Variants in ZMAT3 observed in about 807,000 individuals in gnomAD.
ZMAT3 encodes the protein zinc finger matrin-type protein 3.
A neutral mutation model predicts 32.3 loss-of-function variants in ZMAT3; 17 were observed. The observed-to-expected ratio is 0.53, with a 90% CI of 0.36 to 0.79. The LOEUF is 0.79. Ranked by LOEUF, ZMAT3 falls within the 30% of genes least tolerant of loss-of-function variation. The pLI is 0.00. For synonymous variants in ZMAT3, 120 were observed against 133.1 expected (o/e 0.90, Z 0.68); for missense variants, 329 against 359.7 (o/e 0.91, Z 0.69).
rs1718499047 is a variant in ZMAT3, at chr3:179,020,667, T to A, written c.*4350A>T. The A allele has an allele frequency of 6.6e-6, 1 of 152,192 alleles. No homozygotes were observed. Among genetic ancestry groups the A allele is most frequent in the South Asian group, 2.1e-4 (1 of 4,828 alleles). The allele number at this position is 152,192 out of a possible 1,614,324, so 9.4% of individuals were successfully genotyped here. A position where few individuals can be genotyped will look rare whatever the true frequency, so the allele number is the denominator to read the frequency against. ...GTTCTTTAAAGGGCATTTCCAACCT[T>A]AGTTCTGACAATGAAGACACAAAGT... is the stretch of plus-strand genomic sequence containing the variant. On this transcript the variant is annotated 3_prime_UTR_variant, in exon 6 of 6. Transcript: ENST00000311417.
chr3:179,033,313 T>TTG (rs1419756739), intron 2 of ZMAT3, among the ~76,000 whole-genome samples: 5 of 151,900 alleles, frequency 3.3e-5, no homozygotes, highest in Non-Finnish European at 7.4e-5. Context: ...TCATCACCAC[T>TTG]CCCTAATCTC....
intron 5 of ZMAT3, among the ~76,000 whole-genome samples, chr3:179,026,331 A>G (rs1718865696): frequency 1.3e-5 from 2 of 150,768 alleles, no homozygotes; most frequent in African/African-American, 2.4e-5. Context: ...TACATTTATT[A>G]CAATTATTAA....
intron 2 of ZMAT3, among the ~76,000 whole-genome samples, chr3:179,059,286 C>T (rs985170073): frequency 6.6e-6 from 1 of 152,198 alleles, no homozygotes. Flanking sequence ...GGGAACCTCA[C>T]AGGGACATCA....
At position 179,046,726 on chromosome 3, in the gene ZMAT3, A is replaced by T. The variant is rs1473150358; in HGVS notation, c.271-15727T>A. Among the ~76,000 whole-genome samples the T allele has an allele frequency of 6.6e-6, 1 of 152,150 alleles. No homozygotes were observed. Among genetic ancestry groups the T allele is most frequent in the Non-Finnish European group, 1.5e-5 (1 of 68,020 alleles). ...GCATGGGAGCTGGGTGAGGCCTGTA[A>T]CAGCCAGCTTTCCCCCAATTCCCTG... On this transcript the variant is annotated intron_variant, in intron 2 of 5. Coordinates refer to ENST00000311417, the MANE Select transcript of ZMAT3 (RefSeq NM_022470.4). This position sits in a 1 kb window ranked among gnomAD's most constrained non-coding sequence, Gnocchi z 4.3.
chr3:179,042,866 A>T (rs182632374), intron 2 of ZMAT3, among the ~76,000 whole-genome samples: 337 of 152,298 alleles, frequency 2.2e-3, no homozygotes, highest in African/African-American at 7.7e-3. Context: ...GATAAGCAAC[A>T]TCAGCAAAGT....
intron 2 of ZMAT3, among the ~76,000 whole-genome samples, chr3:179,045,771 CA>C (rs750600556): frequency 2.8e-4 from 43 of 152,230 alleles, no homozygotes; most frequent in Non-Finnish European, 2.6e-4. Context: ...ATGGCAAATA[CA>C]AATGTTTATT....
At chr3:179,025,262 T>C (rs1056290297) in intron 5 of ZMAT3, 34 bp from the exon 6 acceptor site, 2 of 1,517,058 alleles carry the variant, frequency 1.3e-6, no homozygotes, top group Admixed American at 1.9e-5. Context: ...ATATTCAAAA[T>C]ATTCATTAAG....
chr3:179,038,056 C>T (rs990226768), intron 2 of ZMAT3, among the ~76,000 whole-genome samples: 2 of 151,912 alleles, frequency 1.3e-5, no homozygotes, highest in African/African-American at 2.4e-5. Flanking sequence ...TGGGGTGGGC[C>T]GACAAGGCTT....
chr3:179,048,142 C>A (rs535548156), intron 2 of ZMAT3, among the ~76,000 whole-genome samples: 3 of 152,242 alleles, frequency 2.0e-5, no homozygotes, highest in East Asian at 3.9e-4. Context: ...ATGAACAAAG[C>A]CTCGAAGAAG....
intron 2 of ZMAT3, among the ~76,000 whole-genome samples, chr3:179,031,456 C>T (rs1020694757): frequency 3.3e-5 from 5 of 151,830 alleles, no homozygotes; most frequent in Non-Finnish European, 7.4e-5. Flanking sequence ...CACACATACA[C>T]AACCCTGGGG....
intron 3 of ZMAT3, among the ~76,000 whole-genome samples, chr3:179,029,998 A>G (rs1719091049): frequency 6.6e-6 from 1 of 152,190 alleles, no homozygotes; most frequent in Non-Finnish European, 1.5e-5. Flanking sequence ...ATTATTTATG[A>G]CCACTGTATT....
rs555326568 is a variant in ZMAT3 at position 179,065,142 on chromosome 3, G to A, written c.270+2341C>T. 3.3e-5 allele frequency among the ~76,000 whole-genome samples: 5 copies of A among 152,170 alleles called. No individual in the cohort carries two copies. In the East Asian group the frequency reaches 9.6e-4, roughly 29 times the overall value. On this transcript the variant is annotated intron_variant, in intron 2 of 5. Transcript: ENST00000311417. ...TACCCAAACTTTTCATTTTCTGTAA[G>A]CTCCTACTTTCTGATTACTTGCTTG...
intron 2 of ZMAT3, among the ~76,000 whole-genome samples, chr3:179,050,132 C>G (rs773335151): frequency 1.4e-5 from 2 of 147,078 alleles, no homozygotes; most frequent in Non-Finnish European, 3.0e-5. Context: ...AAGATCAGAA[C>G]AGAACTAAAT....
At chr3:179,053,065 T>C (rs1720653046) in intron 2 of ZMAT3, among the ~76,000 whole-genome samples, 1 of 151,746 alleles carries the variant, frequency 6.6e-6, no homozygotes, top group Non-Finnish European at 1.5e-5. Context: ...GAGGCGGAGG[T>C]TGCAGTGAGC....
Position 179,055,063 on chromosome 3 carries a change from G to A in ZMAT3, c.270+12420C>T, listed in dbSNP as rs939251810. Among the ~76,000 whole-genome samples the A allele has an allele frequency of 3.3e-5, 5 of 152,142 alleles. No individual in the cohort carries two copies. In the East Asian group the frequency reaches 5.8e-4, roughly 18 times the overall value. ...GCCACCATCTTGGAAGTGGCCCGCC[G>A]CCATCTTGGGAGCTCTGGGAGCAAG... On this transcript the variant is annotated intron_variant, in intron 2 of 5. Transcript: ENST00000311417.
chr3:179,035,354 A>G (rs777439239), intron 2 of ZMAT3, among the ~76,000 whole-genome samples: 1 of 152,132 alleles, frequency 6.6e-6, no homozygotes, highest in African/African-American at 2.4e-5. Flanking sequence ...TAAACATGCC[A>G]AGCTCAGGCT....
At chr3:179,056,388 C>G (rs4632588) in intron 2 of ZMAT3, among the ~76,000 whole-genome samples, 124,654 of 151,912 alleles carry the variant, frequency 0.82, 51,675 homozygotes, top group East Asian at 0.94. Flanking sequence ...GGAGGCTCTG[C>G]AAAAGGGAAA....
chr3:179,032,910 G>C (rs548905781), intron 2 of ZMAT3, among the ~76,000 whole-genome samples: 4 of 149,140 alleles, frequency 2.7e-5, no homozygotes, highest in Non-Finnish European at 5.9e-5. Flanking sequence ...TGGGAGGTGG[G>C]GGGGCGTCTC....
rs1478113143 is a variant in ZMAT3 at position 179,048,034 on chromosome 3, C to T, written c.271-17035G>A. Among the ~76,000 whole-genome samples, 3 of 152,206 alleles carry T rather than the reference C, an allele frequency of 2.0e-5. No homozygotes were observed. The East Asian group carries it at 5.8e-4, about 29-fold the overall frequency. ...TGCAAAATGCACTGAAAAGTCTCAG[C>T]AATAGAGTCGGACAAGTAGAAGAAC... On this transcript the variant is annotated intron_variant, in intron 2 of 5. Coordinates refer to ENST00000311417, the MANE Select transcript of ZMAT3 (RefSeq NM_022470.4).
Sources: allele counts gnomAD v4.1 joint callset (sites outside exome capture counted in the v4.1 genomes callset), GRCh38; gene constraint gnomAD v4.1.1; non-coding constraint Gnocchi (gnomAD v3.1); transcripts MANE v1.5; gene names NCBI Gene and HGNC (gene_info 2026-07-23, HGNC 2026-07-21).